The following DCC variants were observed in gnomAD, a reference collection of about 807,000 sequenced individuals.
DCC encodes netrin receptor DCC.
In DCC, 58 loss-of-function variants were observed where a neutral mutation model predicts 172.5. That is an observed-to-expected ratio of 0.34 (90% CI 0.27 to 0.42). The LOEUF is 0.42. Ranked by LOEUF, DCC falls within the 10% of genes least tolerant of loss-of-function variation. DCC has a pLI of 1.00. For missense variants in DCC, 1,740 were observed against 1,791.0 expected, an observed-to-expected ratio of 0.97 and a Z score of 0.51; for synonymous variants, 709 against 644.5, an observed-to-expected ratio of 1.10 and a Z score of -1.52.
rs557840109 is a variant in DCC, at chr18:53,168,802, G to A, written c.1419-10160G>A. Among the ~76,000 whole-genome samples the A allele has an allele frequency of 9.9e-5, 15 of 152,164 alleles. No individual in the cohort carries two copies. The East Asian group carries it at 1.2e-3, about 12-fold the overall frequency. ...GAACATAGGGGTCCTGGGGCAGGAC[G>A]GCTCATTGCAGATGACTGTGCAAAG... On this transcript the variant is annotated intron_variant, in intron 8 of 28. Coordinates refer to ENST00000442544, the MANE Select transcript of DCC (RefSeq NM_005215.4).
At chr18:53,134,063 C>T (rs938454530) in intron 7 of DCC, among the ~76,000 whole-genome samples, 1 of 152,126 alleles carries the variant, frequency 6.6e-6, no homozygotes, top group East Asian at 1.9e-4. Context: ...TATTTACTTT[C>T]AGCCAGTCAT....
intron 7 of DCC, among the ~76,000 whole-genome samples, chr18:53,113,020 T>C (rs1450328203): frequency 1.3e-5 from 2 of 151,508 alleles, no homozygotes; most frequent in African/African-American, 4.8e-5. Flanking sequence ...GAATCAATAA[T>C]ATGCAGGGCC....
intron 5 of DCC, among the ~76,000 whole-genome samples, chr18:52,930,457 T>G (rs1039053333): frequency 2.6e-5 from 4 of 152,122 alleles, no homozygotes; most frequent in Non-Finnish European, 5.9e-5. Flanking sequence ...ACTAAGTTAA[T>G]TATCCTTAAG....
chr18:52,584,619 G>T (rs2033628651), intron 1 of DCC, among the ~76,000 whole-genome samples: 1 of 151,998 alleles, frequency 6.6e-6, no homozygotes, highest in Non-Finnish European at 1.5e-5. Flanking sequence ...TATAACCCTG[G>T]GCAAGTTATT....
chr18:52,486,333 G>A (rs1020867672), intron 1 of DCC, among the ~76,000 whole-genome samples: 2 of 152,052 alleles, frequency 1.3e-5, no homozygotes, highest in East Asian at 1.9e-4. Flanking sequence ...AACTAATGCC[G>A]TAATGTTTAC....
At chr18:52,560,905 T>C (rs997702075) in intron 1 of DCC, among the ~76,000 whole-genome samples, 2 of 152,196 alleles carry the variant, frequency 1.3e-5, no homozygotes, top group Admixed American at 6.6e-5. Context: ...AACAGAATGA[T>C]TCAGATATTG....
intron 1 of DCC, among the ~76,000 whole-genome samples, chr18:52,663,496 T>C (rs1390492060): frequency 2.0e-5 from 3 of 152,114 alleles, no homozygotes; most frequent in African/African-American, 7.2e-5. Flanking sequence ...CAAAAGGTTG[T>C]AGTTCTGTAG....
In DCC at chr18:52,694,682, A is replaced by G. The variant is rs1022723702; in HGVS notation, c.92-57372A>G. On this transcript the variant is annotated intron_variant, in intron 1 of 28. Transcript: ENST00000442544. Reference sequence around the variant, plus strand: ...GGACACCCTGCCACCAGTTACAGCAAGAAGAAGAGAGGGTAGAGCTGAGTA... The same window carrying G: ...GGACACCCTGCCACCAGTTACAGCAGGAAGAAGAGAGGGTAGAGCTGAGTA... Among the ~76,000 whole-genome samples the G allele has an allele frequency of 2.0e-5, 3 of 152,102 alleles. No homozygotes were observed. In the East Asian group the frequency reaches 5.8e-4, roughly 30 times the overall value.
chr18:52,638,464 G>C (rs74733712), intron 1 of DCC, among the ~76,000 whole-genome samples: 20,507 of 151,978 alleles, frequency 0.13, 1,532 homozygotes, highest in Admixed American at 0.21. Flanking sequence ...AGCACATAAG[G>C]ACTCACATAA....
intron 5 of DCC, among the ~76,000 whole-genome samples, chr18:53,056,749 A>G (rs572506547): frequency 5.3e-5 from 8 of 152,238 alleles, no homozygotes; most frequent in Middle Eastern, 3.4e-3. Flanking sequence ...TTCTCAGGGC[A>G]GAATCACAGC....
chr18:52,695,683 A>T (rs562937948), intron 1 of DCC, among the ~76,000 whole-genome samples: 6 of 152,324 alleles, frequency 3.9e-5, no homozygotes, highest in African/African-American at 1.4e-4. Context: ...CTAGTGGAAG[A>T]TGGATAACTG....
At chr18:53,501,547 A>G (rs2046098501) in intron 27 of DCC, among the ~76,000 whole-genome samples, 1 of 152,174 alleles carries the variant, frequency 6.6e-6, no homozygotes, top group African/African-American at 2.4e-5. Flanking sequence ...CTTCACTCAC[A>G]TTTTAATGAG....
chr18:53,053,369 A>G (rs1289017522), intron 5 of DCC, among the ~76,000 whole-genome samples: 1 of 151,880 alleles, frequency 6.6e-6, no homozygotes, highest in Non-Finnish European at 1.5e-5. Flanking sequence ...TGTTGTTTTT[A>G]TTTGCTATTG....
intron 7 of DCC, among the ~76,000 whole-genome samples, chr18:53,110,556 AAAAC>A (rs1335242136): frequency 3.3e-5 from 5 of 151,806 alleles, no homozygotes; most frequent in Non-Finnish European, 7.4e-5. Context: ...TTACAAGAAA[AAAAC>A]AAACAACCCT....
chr18:52,948,263 T>C (rs551825233), intron 5 of DCC, among the ~76,000 whole-genome samples: 2 of 152,252 alleles, frequency 1.3e-5, no homozygotes, highest in African/African-American at 2.4e-5. Context: ...AATATCATTA[T>C]GTTTAATGAA....
intron 21 of DCC, among the ~76,000 whole-genome samples, chr18:53,424,018 A>ATATT (rs1347282577): frequency 4.6e-5 from 7 of 152,222 alleles, no homozygotes; most frequent in African/African-American, 1.4e-4. Flanking sequence ...AGTTATGCAT[A>ATATT]TATTTCCAAC....
intron 21 of DCC, among the ~76,000 whole-genome samples, chr18:53,417,639 A>AT (rs150078484): frequency 0.018 from 2,696 of 152,276 alleles, 33 homozygotes; most frequent in Non-Finnish European, 0.029. Context: ...CCGTAGACAG[A>AT]TAACTCCTAA....
intron 1 of DCC, among the ~76,000 whole-genome samples, chr18:52,573,350 T>G (rs2033343598): frequency 6.6e-6 from 1 of 152,200 alleles, no homozygotes; most frequent in Non-Finnish European, 1.5e-5. Context: ...GTCCTCAGCC[T>G]TTAAGTTGCC....
intron 2 of DCC, among the ~76,000 whole-genome samples, 192 bp from the exon 3 acceptor site, chr18:52,905,852 C>T (rs1318208616): frequency 6.6e-6 from 1 of 152,146 alleles, no homozygotes; most frequent in Non-Finnish European, 1.5e-5. Context: ...ATCTTCATTA[C>T]TTTTTAGCCT....
Sources: gnomAD v4.1 joint callset for allele counts (sites outside exome capture counted in the v4.1 genomes callset) on GRCh38, gnomAD v4.1.1 for gene constraint, MANE v1.5 for transcripts, NCBI Gene and HGNC (gene_info 2026-07-23, HGNC 2026-07-21) for gene names.